Variants in MYOZ1 observed in about 807,000 individuals in gnomAD.
MYOZ1 encodes myozenin-1.
MYOZ1 carries 20 observed loss-of-function variants against 28.7 expected under a neutral mutation model. The observed-to-expected ratio is 0.70, with a 90% CI of 0.49 to 1.01. The LOEUF (loss-of-function observed/expected upper bound fraction) is 1.01, where lower values mean the gene tolerates loss of function less well. MYOZ1 is among the 50% of genes least tolerant of loss of function. The pLI, the probability that MYOZ1 is intolerant of heterozygous loss-of-function variation, is 0.00. For synonymous variants in MYOZ1, 144 were observed against 145.8 expected, an observed-to-expected ratio of 0.99 and a Z score of 0.09; for missense variants, 371 against 372.4, an observed-to-expected ratio of 1.00 and a Z score of 0.03.
At chr10:73,640,315 A>G (rs1288080306) in intron 1 of MYOZ1, among the ~76,000 whole-genome samples, 2 of 151,986 alleles carry the variant, frequency 1.3e-5, no homozygotes, top group Non-Finnish European at 2.9e-5. Flanking sequence ...GTGCCTGGCT[A>G]ATTTTTGTAT....
At chr10:73,633,773 T>G (rs1470547569) in intron 5 of MYOZ1, 127 bp downstream of exon 5, 4 of 1,038,604 alleles carry the variant, frequency 3.9e-6, no homozygotes, top group Admixed American at 5.3e-5. Context: ...GGCCTTTGAT[T>G]AGGACCCCCA....
At position 73,637,868 on chromosome 10, in the gene MYOZ1, T is replaced by A. The variant is rs773443167; in HGVS notation, c.128A>T (p.Asp43Val). The part of the protein sequence containing the change: ...NLGKKISVPR[D>V]VMLEELSLLT... ...CAGCGACAGTTCCTCCAACATCACATCCCTTGGGACACTGATCTTTTTGCC... is the reference window on the plus strand; with the variant it reads ...CAGCGACAGTTCCTCCAACATCACAACCCTTGGGACACTGATCTTTTTGCC... Residue 43 changes from aspartate to valine, a missense_variant, in exon 3 of 6, where the codon GAT becomes GTT. By Grantham distance (152) the Asp-to-Val change is radical (BLOSUM62 -3). Transcript: ENST00000359322. 52 of 1,613,942 alleles carry A rather than the reference T, an allele frequency of 3.2e-5. No homozygotes were observed. The highest frequency in any genetic ancestry group is 2.3e-4 in the South Asian group (21 of 91,072).
chr10:73,633,008 G>A (rs1257780450), intron 5 of MYOZ1, among the ~76,000 whole-genome samples: 1 of 151,662 alleles, frequency 6.6e-6, no homozygotes, highest in Non-Finnish European at 1.5e-5. Flanking sequence ...GCCATCTAAA[G>A]CAGGGTGGCC....
intron 4 of MYOZ1, 115 bp downstream of exon 4, chr10:73,634,369 A>T: frequency 8.5e-7 from 1 of 1,180,826 alleles, no homozygotes; most frequent in Non-Finnish European, 1.1e-6. Context: ...TATTATATTT[A>T]ATATTAAGAT....
chr10:73,641,364 C>T (rs894848687), intron 1 of MYOZ1, 47 bp downstream of exon 1: 1 of 152,298 alleles, frequency 6.6e-6, no homozygotes, highest in African/African-American at 2.4e-5. Flanking sequence ...ACACAGAAGT[C>T]AACACAGTGG....
rs1420967477 is a variant in MYOZ1, at chr10:73,634,526, C to A, written c.460G>T (p.Gly154Ter). 2 of 1,614,180 alleles carry A rather than the reference C, an allele frequency of 1.2e-6. No homozygotes were observed. The highest frequency in any genetic ancestry group is 2.7e-5 in the African/African-American group (2 of 75,048). Reference sequence around the variant, plus strand: ...ACCCCTGCTGTGCCAGCAGCTCCTCCTCTGCCAGCCTGGCCCGCGGGACCA... The same window carrying A: ...ACCCCTGCTGTGCCAGCAGCTCCTCATCTGCCAGCCTGGCCCGCGGGACCA... ...TGGPAGQAGRGGAAGTAGVGE... is the reference protein window; with the variant it reads ...TGGPAGQAGR The change falls in exon 4 of 6, where the codon GGA becomes TGA. Residue 154 changes from glycine to a stop codon, truncating the protein, a stop_gained. Coordinates refer to ENST00000359322, the MANE Select transcript of MYOZ1 (RefSeq NM_021245.4). LOFTEE classifies it high-confidence loss of function.
chr10:73,639,817 C>G, intron 2 of MYOZ1, 128 bp downstream of exon 2: 1 of 849,708 alleles, frequency 1.2e-6, no homozygotes, highest in East Asian at 2.6e-5. Context: ...CTCTCCCACT[C>G]CCCATCACCC....
intron 3 of MYOZ1, among the ~76,000 whole-genome samples, chr10:73,635,957 G>C (rs1178695942): frequency 6.6e-6 from 1 of 152,120 alleles, no homozygotes; most frequent in Non-Finnish European, 1.5e-5. Context: ...AGGCTCTCCT[G>C]GCCATCCCAC....
At chr10:73,634,371 T>C in intron 4 of MYOZ1, 113 bp downstream of exon 4, 1 of 1,203,632 alleles carries the variant, frequency 8.3e-7, no homozygotes, top group Middle Eastern at 2.9e-4. Context: ...TTATATTTAA[T>C]ATTAAGATAT....
At chr10:73,640,296 C>G (rs200183153) in intron 1 of MYOZ1, among the ~76,000 whole-genome samples, 3 of 152,154 alleles carry the variant, frequency 2.0e-5, no homozygotes, top group Non-Finnish European at 4.4e-5. Flanking sequence ...ACTATAGGTG[C>G]GCACCACCGT....
chr10:73,637,798 C>T lies in MYOZ1; in HGVS notation c.198G>A (p.Arg66=). 6.2e-7 allele frequency: 1 copy of T among 1,614,108 alleles called. No individual in the cohort carries two copies. The highest frequency in any genetic ancestry group is 8.5e-7 in the Non-Finnish European group (1 of 1,180,028). Residue 66 remains arginine, a synonymous_variant, in exon 3 of 6, where the codon AGG becomes AGA. Transcript: ENST00000359322. ...GSKMFKLRQM[R]VEKFIYENHP... ...GGTTCTCATAAATAAACTTCTCCAC[C>T]CTCATCTGCCGCAGTTTGAACATCT...
At position 73,637,724 on chromosome 10, in the gene MYOZ1, T is replaced by G; in HGVS notation, c.252+20A>C. 6.3e-7 allele frequency: 1 copy of G among 1,597,860 alleles called. No individual in the cohort carries two copies. On this transcript the variant is annotated intron_variant, in intron 3 of 5. Coordinates refer to ENST00000359322, the MANE Select transcript of MYOZ1 (RefSeq NM_021245.4). Reference sequence around the variant, plus strand: ...GAACAGGCACCAGGCTTTGAGATAGTGATAAAGTTCCAGACTCACCATTGA... The same window carrying G: ...GAACAGGCACCAGGCTTTGAGATAGGGATAAAGTTCCAGACTCACCATTGA...
rs764489925 is a variant in MYOZ1 at position 73,632,046 on chromosome 10, G to T, written c.784C>A (p.Leu262Ile). 6.8e-6 allele frequency: 11 copies of T among 1,614,014 alleles called. No individual in the cohort carries two copies. The highest frequency in any genetic ancestry group is 8.5e-6 in the Non-Finnish European group (10 of 1,180,030). The stretch of plus-strand genomic sequence containing the variant: ...CGATTGAAAGAAGGCCTGTTGGAGA[G>T]GTTTTGGTTGTAGAGGACCAGGGGT... Reference protein sequence around the residue: ...SEPLVLYNQNLSNRPSFNRTP... With the variant: ...SEPLVLYNQNISNRPSFNRTP... Residue 262 changes from leucine (L) to isoleucine (I), a missense_variant, in exon 6 of 6, where the codon CTC (leucine) becomes ATC (isoleucine). Physicochemically the swap from Leu to Ile is conservative, Grantham distance 5. Transcript: ENST00000359322.
At chr10:73,639,229 C>T (rs1202761843) in intron 2 of MYOZ1, among the ~76,000 whole-genome samples, 5 of 151,818 alleles carry the variant, frequency 3.3e-5, no homozygotes, top group African/African-American at 4.8e-5. Flanking sequence ...TTCAAGCGAT[C>T]GTCCCACCTC....
At position 73,634,615 on chromosome 10, in the gene MYOZ1, G is replaced by A. The variant is rs2081656013; in HGVS notation, c.371C>T (p.Ala124Val). 6.2e-7 allele frequency: 1 copy of A among 1,614,160 alleles called. No homozygotes were observed. The highest frequency in any genetic ancestry group is 1.7e-5 in the Admixed American group (1 of 60,018). ...CTGCTGATCAGAGCCATACTGTCCGGCAGAGCCACTGCCCCCTGCCTGGCT... is the reference window on the plus strand; with the variant it reads ...CTGCTGATCAGAGCCATACTGTCCGACAGAGCCACTGCCCCCTGCCTGGCT... ...GGSQAGGSGSAGQYGSDQQHH... is the reference protein window; with the variant it reads ...GGSQAGGSGSVGQYGSDQQHH... Residue 124 changes from alanine (A) to valine (V), a missense_variant, in exon 4 of 6, where the codon GCC (alanine) becomes GTC (valine). By Grantham distance (64) the Ala-to-Val change is moderately conservative. Coordinates refer to ENST00000359322, the MANE Select transcript of MYOZ1 (RefSeq NM_021245.4).
Position 73,632,113 on chromosome 10 carries a change from G to C in MYOZ1, c.717C>G (p.Thr239=). 2 of 1,614,176 alleles carry C rather than the reference G, an allele frequency of 1.2e-6. No individual in the cohort carries two copies. Among genetic ancestry groups the C allele is most frequent in the Non-Finnish European group, 1.7e-6 (2 of 1,180,026 alleles). ...GGYEKASKRM[T]FQMPKFDLGP... ...CCAGGTCAAACTTGGGCATCTGGAA[G>C]GTCATGCGTTTGGAGGCCTTCTCAT... Residue 239 remains threonine, a synonymous_variant, in exon 6 of 6, where the codon ACC becomes ACG. Transcript: ENST00000359322.
In MYOZ1 at chr10:73,634,508, C is replaced by T. The variant is rs2081655047; in HGVS notation, c.478G>A (p.Ala160Thr). Residue 160 changes from alanine (A) to threonine (T), a missense_variant, in exon 4 of 6, where the codon GCA becomes ACA. Coordinates refer to ENST00000359322, the MANE Select transcript of MYOZ1 (RefSeq NM_021245.4). ...CCTGATCCTGTCTCACCAACCCCTG[C>T]TGTGCCAGCAGCTCCTCCTCTGCCA... The part of the protein sequence containing the change: ...QAGRGGAAGT[A>T]GVGETGSGDQ... 6.2e-7 allele frequency: 1 copy of T among 1,614,160 alleles called. No individual in the cohort carries two copies. The highest frequency in any genetic ancestry group is 8.5e-7 in the Non-Finnish European group (1 of 1,180,034).
chr10:73,635,997 A>G (rs1284486178), intron 3 of MYOZ1, among the ~76,000 whole-genome samples: 1 of 152,166 alleles, frequency 6.6e-6, no homozygotes, highest in South Asian at 2.1e-4. Flanking sequence ...CACCCAGTGT[A>G]ACCAGACCCA....
intron 3 of MYOZ1, among the ~76,000 whole-genome samples, chr10:73,636,464 T>A (rs548004023): frequency 6.6e-6 from 1 of 151,772 alleles, no homozygotes; most frequent in South Asian, 2.1e-4. Context: ...AATTTTTATT[T>A]TTTTTTTTTA....
Sources: allele counts gnomAD v4.1 joint callset (sites outside exome capture counted in the v4.1 genomes callset), GRCh38; gene constraint gnomAD v4.1.1; transcripts MANE v1.5; gene names NCBI Gene and HGNC (gene_info 2026-07-23, HGNC 2026-07-21).